The following TTC27 variants were observed in gnomAD, a reference collection of about 807,000 sequenced individuals.
TTC27 encodes tetratricopeptide repeat protein 27.
In TTC27, 79 loss-of-function variants were observed where a neutral mutation model predicts 115.9. The observed-to-expected ratio is 0.68, with a 90% CI of 0.57 to 0.82. The LOEUF is 0.82. Ranked by LOEUF, TTC27 falls within the 40% of genes least tolerant of loss-of-function variation. TTC27 has a pLI of 0.00. For missense variants in TTC27, 1,054 were observed against 993.1 expected (o/e 1.06, Z -0.82); for synonymous variants, 401 against 356.0 (o/e 1.13, Z -1.42).
chr2:32,714,817 T>G (rs893921089), intron 10 of TTC27, among the ~76,000 whole-genome samples: 1 of 152,186 alleles, frequency 6.6e-6, no homozygotes, highest in African/African-American at 2.4e-5. Context: ...TAGTTTTGAT[T>G]TATATTTCTC....
chr2:32,759,513 T>C (rs1669360708), intron 13 of TTC27, among the ~76,000 whole-genome samples: 1 of 152,166 alleles, frequency 6.6e-6, no homozygotes, highest in Admixed American at 6.5e-5. Flanking sequence ...ATCCCAGCAC[T>C]TTGGGAGGCC....
intron 18 of TTC27, among the ~76,000 whole-genome samples, chr2:32,817,027 C>G (rs1023112885): frequency 2.6e-5 from 4 of 152,036 alleles, no homozygotes; most frequent in African/African-American, 9.7e-5. Context: ...GGTCTCTTCC[C>G]AGTGATCCGT....
At chr2:32,760,747 T>C (rs1387910911) in intron 13 of TTC27, among the ~76,000 whole-genome samples, 1 of 152,204 alleles carries the variant, frequency 6.6e-6, no homozygotes, top group Non-Finnish European at 1.5e-5. Flanking sequence ...GTGGGGGAAG[T>C]GAGTTCCCTC....
At chr2:32,721,034 G>A (rs2151909697) in intron 10 of TTC27, among the ~76,000 whole-genome samples, 1 of 152,284 alleles carries the variant, frequency 6.6e-6, no homozygotes, top group Admixed American at 6.5e-5. Flanking sequence ...GTGGAGTGTA[G>A]CACATGATCT....
At chr2:32,684,274 A>C (rs150400897) in intron 9 of TTC27, among the ~76,000 whole-genome samples, 2 of 152,048 alleles carry the variant, frequency 1.3e-5, no homozygotes, top group Admixed American at 6.6e-5. Context: ...TTATGGCTGC[A>C]TAGTATGCCA....
At chr2:32,762,705 C>T (rs939449291) in intron 13 of TTC27, among the ~76,000 whole-genome samples, 2 of 151,956 alleles carry the variant, frequency 1.3e-5, no homozygotes, top group Admixed American at 6.6e-5. Flanking sequence ...GCGATCTCAG[C>T]TTCTCAGCTC....
At chr2:32,713,213 A>G (rs956672020) in intron 10 of TTC27, among the ~76,000 whole-genome samples, 1 of 152,166 alleles carries the variant, frequency 6.6e-6, no homozygotes, top group Non-Finnish European at 1.5e-5. Context: ...GTTATAGGTG[A>G]CCCAATCCTA....
At chr2:32,720,746 C>T (rs540605328) in intron 10 of TTC27, among the ~76,000 whole-genome samples, 25 of 152,184 alleles carry the variant, frequency 1.6e-4, no homozygotes, top group South Asian at 1.2e-3. Context: ...CTTAATTTAC[C>T]GGAAATATGT....
intron 10 of TTC27, among the ~76,000 whole-genome samples, chr2:32,716,439 C>T (rs1667754112): frequency 6.6e-6 from 1 of 152,118 alleles, no homozygotes; most frequent in Non-Finnish European, 1.5e-5. Flanking sequence ...ATTCTGAGTT[C>T]ATTTTTAGCT....
At chr2:32,635,549 T>G (rs1287233371) in intron 3 of TTC27, among the ~76,000 whole-genome samples, 1 of 152,088 alleles carries the variant, frequency 6.6e-6, no homozygotes, top group Non-Finnish European at 1.5e-5. Flanking sequence ...CCGGGTGTGG[T>G]GGTGCACGCT....
intron 16 of TTC27, among the ~76,000 whole-genome samples, chr2:32,797,570 A>C (rs1005618140): frequency 3.3e-5 from 5 of 152,184 alleles, no homozygotes; most frequent in Non-Finnish European, 7.3e-5. Flanking sequence ...GCAAAAGAAT[A>C]AAGTTGGACC....
At chr2:32,791,914 T>A (rs1438643573) in intron 16 of TTC27, among the ~76,000 whole-genome samples, 1 of 152,056 alleles carries the variant, frequency 6.6e-6, no homozygotes, top group Non-Finnish European at 1.5e-5. Flanking sequence ...AAAAAATAAT[T>A]TGCAGATAAT....
chr2:32,735,134 A>G (rs1422210029), intron 11 of TTC27, among the ~76,000 whole-genome samples: 2 of 152,226 alleles, frequency 1.3e-5, no homozygotes, highest in African/African-American at 4.8e-5. Context: ...GACTTCTTAA[A>G]GTAGGTTATA....
At chr2:32,744,974 G>C (rs1235036549) in intron 12 of TTC27, among the ~76,000 whole-genome samples, 1 of 148,894 alleles carries the variant, frequency 6.7e-6, no homozygotes, top group Non-Finnish European at 1.5e-5. Flanking sequence ...TTTGAGCCCG[G>C]GAGGTGGAGT....
chr2:32,675,337 A>G (rs1666159942), intron 8 of TTC27, among the ~76,000 whole-genome samples: 1 of 152,194 alleles, frequency 6.6e-6, no homozygotes, highest in Admixed American at 6.5e-5. Flanking sequence ...ATGCCAAATA[A>G]ATGTATTCCC....
At chr2:32,668,484 C>T (rs1001929038) in intron 7 of TTC27, among the ~76,000 whole-genome samples, 4 of 150,052 alleles carry the variant, frequency 2.7e-5, no homozygotes, top group African/African-American at 7.3e-5. Context: ...GAATTTTAAT[C>T]GTTTTTTTGC....
At chr2:32,774,612 C>T (rs1390382012) in intron 13 of TTC27, among the ~76,000 whole-genome samples, 2 of 152,008 alleles carry the variant, frequency 1.3e-5, no homozygotes, top group East Asian at 3.8e-4. Context: ...TTTTTTGAAG[C>T]TTCTTTTGAT....
At chr2:32,650,349 GTTTCTT>G in intron 5 of TTC27, 116 bp downstream of exon 5, 3 of 240,938 alleles carry the variant, frequency 1.2e-5, no homozygotes, top group African/African-American at 3.8e-5. Context: ...GTTTTGAGTT[GTTTCTT>G]TTTTTTTTTT....
intron 5 of TTC27, among the ~76,000 whole-genome samples, chr2:32,656,249 G>A (rs1027712178): frequency 1.3e-5 from 2 of 152,186 alleles, no homozygotes; most frequent in African/African-American, 4.8e-5. Flanking sequence ...TGAACTTAGT[G>A]AGATAAGGAC....
Sources: gnomAD v4.1 joint callset for allele counts (sites outside exome capture counted in the v4.1 genomes callset) on GRCh38, gnomAD v4.1.1 for gene constraint, MANE v1.5 for transcripts, NCBI Gene and HGNC (gene_info 2026-07-23, HGNC 2026-07-21) for gene names.